Variants in UGT1A8 observed in about 807,000 individuals in gnomAD.
UGT1A8 encodes UDP glucuronosyltransferase family 1 member A8.
UGT1A8 carries 39 observed loss-of-function variants against 45.3 expected under a neutral mutation model. The observed-to-expected ratio is 0.86, with a 90% CI of 0.67 to 1.12. The LOEUF (loss-of-function observed/expected upper bound fraction) is 1.12, where lower values mean the gene tolerates loss of function less well. Among genes scored for constraint, UGT1A8 ranks in the 50% most tolerant of loss-of-function variants. The probability of loss-of-function intolerance (pLI) is 0.00; values close to 1 mark genes in which losing one functional copy is unlikely to be tolerated. For synonymous variants in UGT1A8, 275 were observed against 249.2 expected, an observed-to-expected ratio of 1.10 and a Z score of -0.97; for missense variants, 719 against 664.9, an observed-to-expected ratio of 1.08 and a Z score of -0.90.
At chr2:233,747,483 C>G (rs993277218) in intron 1 of UGT1A8, 3 of 1,608,496 alleles carry the variant, frequency 1.9e-6, no homozygotes, top group Non-Finnish European at 1.7e-6. Flanking sequence ...TGAATTTGAT[C>G]GCCTTGTGCT....
chr2:233,659,232 G>C (rs972812093), intron 1 of UGT1A8, among the ~76,000 whole-genome samples: 2 of 152,202 alleles, frequency 1.3e-5, no homozygotes, highest in South Asian at 4.2e-4. Context: ...GTTGACCCTT[G>C]AACAATGTGG....
intron 1 of UGT1A8, among the ~76,000 whole-genome samples, chr2:233,682,949 G>A (rs1575430315): frequency 6.6e-6 from 1 of 152,260 alleles, no homozygotes; most frequent in East Asian, 1.9e-4. Context: ...TTGTTGGGTA[G>A]CAAATTGTAT....
rs1316565909 is a variant in UGT1A8, at chr2:233,767,035, A to G, written c.857A>G (p.Glu286Gly). 6.2e-7 allele frequency: 1 copy of G among 1,614,064 alleles called. No homozygotes were observed. The highest frequency in any genetic ancestry group is 1.7e-5 in the Admixed American group (1 of 60,022). ...NCHQGKPLPM[E>G]FEAYINASGE... The stretch of plus-strand genomic sequence containing the variant: ...TGAAAATTTTTCTTCTGGCTCTAGG[A>G]ATTTGAAGCCTACATTAATGCTTCT... The change falls in exon 2 of 5, where the codon GAA (glutamate) becomes GGA (glycine). Residue 286 changes from glutamate to glycine, a missense_variant and splice_region_variant. Coordinates refer to ENST00000373450, the MANE Select transcript of UGT1A8 (RefSeq NM_019076.5).
intron 1 of UGT1A8, chr2:233,693,564 AC>A: frequency 6.2e-7 from 1 of 1,614,200 alleles, no homozygotes; most frequent in Non-Finnish European, 8.5e-7. Flanking sequence ...AGAAGCCCAG[AC>A]CCTGTGTCCT....
chr2:233,649,940 C>T (rs913704277), intron 1 of UGT1A8, among the ~76,000 whole-genome samples: 3 of 152,086 alleles, frequency 2.0e-5, no homozygotes, highest in African/African-American at 7.2e-5. Context: ...TCTTCTGTTA[C>T]AATCTTTGAA....
intron 1 of UGT1A8, chr2:233,729,362 C>G (rs777664797): frequency 6.2e-7 from 1 of 1,614,044 alleles, no homozygotes; most frequent in Non-Finnish European, 8.5e-7. Context: ...ACCCTGACAA[C>G]CTATGCCATT....
chr2:233,727,875 C>T (rs1348465171), intron 1 of UGT1A8, among the ~76,000 whole-genome samples: 1 of 152,196 alleles, frequency 6.6e-6, no homozygotes, highest in Non-Finnish European at 1.5e-5. Flanking sequence ...CTCAGCCTCA[C>T]CAGCAATGGC....
chr2:233,675,771 C>T (rs576827735), intron 1 of UGT1A8, among the ~76,000 whole-genome samples: 2 of 152,220 alleles, frequency 1.3e-5, no homozygotes, highest in African/African-American at 4.8e-5. Flanking sequence ...TTAAAGAAAA[C>T]TTTTAAAAAT....
At chr2:233,662,371 T>C (rs1409418484) in intron 1 of UGT1A8, among the ~76,000 whole-genome samples, 1 of 152,212 alleles carries the variant, frequency 6.6e-6, no homozygotes, top group Non-Finnish European at 1.5e-5. Flanking sequence ...CAAATCTCCA[T>C]AACATTTTCT....
intron 1 of UGT1A8, chr2:233,636,994 G>A (rs1435665031): frequency 6.2e-7 from 1 of 1,613,826 alleles, no homozygotes; most frequent in Non-Finnish European, 8.5e-7. Context: ...CTTAATTGTT[G>A]CTAAATATTT....
intron 1 of UGT1A8, chr2:233,742,016 C>T (rs115965783): frequency 0.01 from 1,533 of 152,008 alleles, 58 homozygotes; most frequent in African/African-American, 0.035. Context: ...CTTTCATCAA[C>T]CTAATTTGAT....
Position 233,693,031 on chromosome 2 carries a change from G to A in UGT1A8, c.856-74003G>A, listed in dbSNP as rs766815979. ...TGGCCTGCCTCCTTCGCTCATTTCAGAGAATTTCTGCAGGGGTTTTCTTCT... is the reference window on the plus strand; with the variant it reads ...TGGCCTGCCTCCTTCGCTCATTTCAAAGAATTTCTGCAGGGGTTTTCTTCT... On this transcript the variant is annotated intron_variant, in intron 1 of 4. Coordinates refer to ENST00000373450, the MANE Select transcript of UGT1A8 (RefSeq NM_019076.5). 16 of 1,614,172 alleles carry A rather than the reference G, an allele frequency of 9.9e-6. No individual in the cohort carries two copies. In the South Asian group the frequency reaches 1.4e-4, roughly 14 times the overall value.
chr2:233,643,214 C>T (rs1470503686), intron 1 of UGT1A8, among the ~76,000 whole-genome samples: 1 of 152,200 alleles, frequency 6.6e-6, no homozygotes, highest in Non-Finnish European at 1.5e-5. Context: ...AAAACCTTAG[C>T]ATTCCACCTG....
Position 233,725,179 on chromosome 2 carries a change from GAGAGGCAGAGGCAGAGGC to G in UGT1A8, c.856-41831_856-41814del, listed in dbSNP as rs879478240. ...CTCTGCATGAGAGGGAGACCGTGGG[GAGAGGCAGAGGCAGAGGC>G]AGAGGCAGAGGCAGAGGCAGAGGAG... On this transcript the variant is annotated intron_variant, in intron 1 of 4. Coordinates refer to ENST00000373450, the MANE Select transcript of UGT1A8 (RefSeq NM_019076.5). 4.4e-5 allele frequency among the ~76,000 whole-genome samples: 3 copies of G among 67,606 alleles called. 1 individual carries two copies. The highest frequency in any genetic ancestry group is 1.5e-4 in the Admixed American group (1 of 6,876). The allele number at this position is 67,606 out of a possible 152,430, so 44.4% of individuals were successfully genotyped here.
rs527451484 is a variant in UGT1A8, at chr2:233,666,136, G to T, written c.855+47574G>T. Among the ~76,000 whole-genome samples the T allele has an allele frequency of 2.2e-4, 33 of 152,290 alleles. No individual in the cohort carries two copies. In the East Asian group the frequency reaches 5.6e-3, roughly 26 times the overall value. ...GAGGGTGGAGGGTGCTGATCACATG[G>T]CTAGAGAGAAGCAAGAGAAAAAGGA... On this transcript the variant is annotated intron_variant, in intron 1 of 4. Transcript: ENST00000373450.
intron 1 of UGT1A8, among the ~76,000 whole-genome samples, chr2:233,628,460 G>A (rs151154197): frequency 4.6e-5 from 7 of 152,064 alleles, no homozygotes; most frequent in Admixed American, 2.0e-4. Flanking sequence ...TAGTTTTTAA[G>A]TATTGTATCT....
intron 1 of UGT1A8, among the ~76,000 whole-genome samples, chr2:233,624,961 C>A (rs1378567452): frequency 6.6e-6 from 1 of 151,956 alleles, no homozygotes; most frequent in African/African-American, 2.4e-5. Context: ...GACCCCTGAA[C>A]AATGTGGGAA....
At chr2:233,746,994 G>C (rs922899059) in intron 1 of UGT1A8, among the ~76,000 whole-genome samples, 7 of 151,864 alleles carry the variant, frequency 4.6e-5, no homozygotes, top group African/African-American at 1.7e-4. Context: ...GGTCAGATGA[G>C]TTTTTCAAGT....
intron 1 of UGT1A8, among the ~76,000 whole-genome samples, chr2:233,677,628 TATC>T (rs1290411442): frequency 6.6e-6 from 1 of 152,064 alleles, no homozygotes; most frequent in Admixed American, 6.6e-5. Context: ...CACAATAAGA[TATC>T]ATCTCACACC....
Sources: allele counts gnomAD v4.1 joint callset (sites outside exome capture counted in the v4.1 genomes callset), GRCh38; gene constraint gnomAD v4.1.1; transcripts MANE v1.5; gene names NCBI Gene and HGNC (gene_info 2026-07-23, HGNC 2026-07-21).